The following CHD6 variants were observed in gnomAD, a reference collection of about 807,000 sequenced individuals.
CHD6 encodes the protein ATP-dependent chromatin remodeler CHD6.
CHD6 carries 50 observed loss-of-function variants against 276.9 expected under a neutral mutation model. The ratio of observed to expected loss-of-function variants is 0.18; its 90% CI spans 0.14 to 0.23. The LOEUF (loss-of-function observed/expected upper bound fraction) is 0.23, where lower values mean the gene tolerates loss of function less well. CHD6 is among the 10% of genes least tolerant of loss of function. CHD6 has a pLI of 1.00. For synonymous variants in CHD6, 1,173 were observed against 1,229.3 expected, an observed-to-expected ratio of 0.95 and a Z score of 0.96; for missense variants, 2,564 against 3,365.8, an observed-to-expected ratio of 0.76 and a Z score of 5.89.
chr20:41,482,208 A>G (rs1022479848), intron 16 of CHD6, among the ~76,000 whole-genome samples: 1 of 152,190 alleles, frequency 6.6e-6, no homozygotes, highest in Non-Finnish European at 1.5e-5. Flanking sequence ...GTAAGATAAT[A>G]TAAGAAGCAA....
intron 2 of CHD6, among the ~76,000 whole-genome samples, chr20:41,540,592 C>G (rs1409170245): frequency 6.6e-6 from 1 of 152,140 alleles, no homozygotes; most frequent in Non-Finnish European, 1.5e-5. Context: ...GACTGAGGTG[C>G]AGGACAAAGT....
rs559228352 is a variant in CHD6 at position 41,425,480 on chromosome 20, A to T, written c.4130-86T>A. On this transcript the variant is annotated intron_variant, in intron 28 of 36. Coordinates refer to ENST00000373233, the MANE Select transcript of CHD6 (RefSeq NM_032221.5). Reference sequence around the variant, plus strand: ...TTTTGGTTTTGTTTAAATAAAAACAAAGCTGACTCAATAATTTACTCAAAG... The same window carrying T: ...TTTTGGTTTTGTTTAAATAAAAACATAGCTGACTCAATAATTTACTCAAAG... 5.5e-6 allele frequency: 7 copies of T among 1,278,780 alleles called. No individual in the cohort carries two copies. The African/African-American group carries it at 8.9e-5, about 16-fold the overall frequency. The allele number at this position is 1,278,780 out of a possible 1,614,324, so 79.2% of individuals were successfully genotyped here.
chr20:41,611,322 G>C (rs1231857321), intron 1 of CHD6, among the ~76,000 whole-genome samples: 1 of 152,150 alleles, frequency 6.6e-6, no homozygotes, highest in African/African-American at 2.4e-5. Context: ...TCTAATACTG[G>C]TACGACTGGC....
At chr20:41,553,371 T>TTG (rs2045174305) in intron 1 of CHD6, among the ~76,000 whole-genome samples, 1 of 152,242 alleles carries the variant, frequency 6.6e-6, no homozygotes. Flanking sequence ...GGCTAATAAC[T>TTG]CTTTGTCAGG....
chr20:41,513,009 A>G lies in CHD6; in HGVS notation c.703-14T>C. 6.2e-7 allele frequency: 1 copy of G among 1,613,966 alleles called. No homozygotes were observed. The highest frequency in any genetic ancestry group is 8.5e-7 in the Non-Finnish European group (1 of 1,179,874). The stretch of plus-strand genomic sequence containing the variant: ...CGAGCGTCGTTTCTGTAGGGCAAAC[A>G]CACCCGTCAGAGAAGCTCTCTGAGT... On this transcript the variant is annotated splice_polypyrimidine_tract_variant and intron_variant, in intron 4 of 36. Transcript: ENST00000373233.
At chr20:41,532,619 C>T (rs1434445439) in intron 3 of CHD6, among the ~76,000 whole-genome samples, 2 of 152,188 alleles carry the variant, frequency 1.3e-5, no homozygotes, top group African/African-American at 2.4e-5. Flanking sequence ...TTATCTTTCT[C>T]TCATTAGGAG....
rs1055070933 is a variant in CHD6 at position 41,445,884 on chromosome 20, T to C, written c.3774-116A>G. The C allele has an allele frequency of 3.6e-5, 23 of 634,704 alleles. No individual in the cohort carries two copies. The Admixed American group carries it at 5.9e-4, about 16-fold the overall frequency. 39.3% of individuals were successfully genotyped at this position (634,704 alleles called of 1,614,324 possible). ...GCTAAAGTAACAATAAACAAAAGGG[T>C]TAGGAAGGCTGTGGGTCATTGTTTC... On this transcript the variant is annotated intron_variant, in intron 24 of 36. Transcript: ENST00000373233.
intron 1 of CHD6, among the ~76,000 whole-genome samples, chr20:41,565,651 A>T (rs77052750): frequency 6.6e-6 from 1 of 151,746 alleles, no homozygotes; most frequent in Non-Finnish European, 1.5e-5. Context: ...TTGACTCCGA[A>T]GTACAATAAT....
rs1056048281 is a variant in CHD6 at position 41,557,265 on chromosome 20, T to A, written c.-23-5905A>T. Reference sequence around the variant, plus strand: ...CTTCCGTAGGAGCACGGCATTTAATTATCTTCACAAGAAGGTAAGCTGCTA... The same window carrying A: ...CTTCCGTAGGAGCACGGCATTTAATAATCTTCACAAGAAGGTAAGCTGCTA... On this transcript the variant is annotated intron_variant, in intron 1 of 36. Transcript: ENST00000373233. Among the ~76,000 whole-genome samples, 12 of 152,318 alleles carry A rather than the reference T, an allele frequency of 7.9e-5. No individual in the cohort carries two copies. In the East Asian group the frequency reaches 2.1e-3, roughly 27 times the overall value.
Position 41,420,881 on chromosome 20 carries a change from C to G in CHD6, c.5754G>C (p.Glu1918Asp). The G allele has an allele frequency of 6.2e-7, 1 of 1,614,182 alleles. No individual in the cohort carries two copies. The highest frequency in any genetic ancestry group is 1.1e-5 in the South Asian group (1 of 91,082). The change falls in exon 31 of 37, where the codon GAG becomes GAC. Residue 1918 changes from glutamate to aspartate, a missense_variant. This residue lies in a region of CHD6 where 1,024 missense variants were observed against 1,047.9 expected (regional missense o/e 0.98). Transcript: ENST00000373233. ...FQDETKKGSL[E>D]VANQTPGLQR... ...GTAGCCCAGGAGTCTGGTTTGCCAC[C>G]TCTAAGCTTCCTTTCTTGGTTTCAT...
At position 41,405,084 on chromosome 20, in the gene CHD6, A is replaced by G; in HGVS notation, c.7657T>C (p.Ser2553Pro). Reference protein sequence around the residue: ...ATTCTSTAPASLSSTTKSGTA... With the variant: ...ATTCTSTAPAPLSSTTKSGTA... ...CCACTTTTCGTTGTGCTTGATAGAGACGCCGGAGCAGTGGAAGTGCAGGTG... is the reference window on the plus strand; with the variant it reads ...CCACTTTTCGTTGTGCTTGATAGAGGCGCCGGAGCAGTGGAAGTGCAGGTG... The change falls in exon 37 of 37, where the codon TCT becomes CCT. Residue 2553 changes from serine (S) to proline (P), a missense_variant. By Grantham distance (74) the Ser-to-Pro change is moderately conservative. Around this residue, in one of 7 missense-constraint regions of CHD6, gnomAD observed 238 missense variants for 266.0 expected, o/e 0.89. Transcript: ENST00000373233. 1 of 1,614,186 alleles carries G rather than the reference A, an allele frequency of 6.2e-7. No individual in the cohort carries two copies. Among genetic ancestry groups the G allele is most frequent in the Non-Finnish European group, 8.5e-7 (1 of 1,180,042 alleles).
At chr20:41,488,375 TC>T in intron 13 of CHD6, 52 bp downstream of exon 13, 14 of 1,491,682 alleles carry the variant, frequency 9.4e-6, no homozygotes, top group Non-Finnish European at 1.3e-5. Flanking sequence ...GAGTGTTTCC[TC>T]CAAGCTGAAC....
intron 1 of CHD6, among the ~76,000 whole-genome samples, chr20:41,583,348 G>T (rs1721310756): frequency 6.6e-6 from 1 of 151,846 alleles, no homozygotes. Context: ...CTACTCATCA[G>T]ATTTTTTGCA....
chr20:41,543,415 C>G (rs112662486), intron 2 of CHD6, among the ~76,000 whole-genome samples: 2,157 of 152,246 alleles, frequency 0.014, 20 homozygotes, highest in Non-Finnish European at 0.022. Flanking sequence ...GAACCTCTAA[C>G]CAACCTCTAT....
At chr20:41,410,100 G>A (rs2046798741) in intron 36 of CHD6, among the ~76,000 whole-genome samples, 1 of 152,192 alleles carries the variant, frequency 6.6e-6, no homozygotes, top group African/African-American at 2.4e-5. Context: ...GAAGGGAGGA[G>A]GAGTTCCTTG....
intron 17 of CHD6, chr20:41,459,513 C>A (rs2048478894): frequency 6.6e-6 from 1 of 152,272 alleles, no homozygotes. Context: ...TCCCAGAATT[C>A]CCATGTGTTG....
intron 1 of CHD6, among the ~76,000 whole-genome samples, chr20:41,616,676 T>C (rs1002475139): frequency 6.6e-5 from 10 of 152,218 alleles, no homozygotes; most frequent in African/African-American, 2.4e-4. Flanking sequence ...AGGCCTTTGG[T>C]TATAAAGATG....
chr20:41,544,608 A>C (rs1161223124), intron 2 of CHD6, among the ~76,000 whole-genome samples: 1 of 151,492 alleles, frequency 6.6e-6, no homozygotes, highest in Non-Finnish European at 1.5e-5. Flanking sequence ...CCACAGTGCA[A>C]TTTAAATATT....
intron 31 of CHD6, 142 bp downstream of exon 31, chr20:41,420,366 C>G: frequency 1.2e-6 from 1 of 864,390 alleles, no homozygotes; most frequent in Non-Finnish European, 1.8e-6. Flanking sequence ...ATTTTCAGTC[C>G]AAGGCCTATG....
Sources: gnomAD v4.1 joint callset for allele counts (sites outside exome capture counted in the v4.1 genomes callset) on GRCh38, gnomAD v4.1.1 for gene constraint, gnomAD v4.1.1 regional missense constraint, MANE v1.5 for transcripts, NCBI Gene and HGNC (gene_info 2026-07-23, HGNC 2026-07-21) for gene names.